PTPRT: variants seen among roughly 807,000 people sequenced by gnomAD.
The protein encoded by PTPRT is receptor-type tyrosine-protein phosphatase T.
Under a neutral mutation model 176.8 loss-of-function variants are expected in PTPRT, and 56 were observed. That is an observed-to-expected ratio of 0.32 (90% CI 0.26 to 0.40). The LOEUF (loss-of-function observed/expected upper bound fraction) is 0.40. Among genes scored for constraint, PTPRT ranks in the 10% least tolerant of loss-of-function variants. The probability of loss-of-function intolerance (pLI) is 1.00; values close to 1 mark genes in which losing one functional copy is unlikely to be tolerated. For synonymous variants in PTPRT, 783 were observed against 739.0 expected, an observed-to-expected ratio of 1.06 and a Z score of -0.96; for missense variants, 1,540 against 1,908.2, an observed-to-expected ratio of 0.81 and a Z score of 3.60.
At chr20:42,132,141 T>C (rs111988939) in intron 18 of PTPRT, among the ~76,000 whole-genome samples, 169 of 152,340 alleles carry the variant, frequency 1.1e-3, no homozygotes, top group Non-Finnish European at 1.8e-3. Flanking sequence ...TTTATTATGA[T>C]GTAACCAAAA....
chr20:42,391,542 C>T (rs2058799752), intron 9 of PTPRT, among the ~76,000 whole-genome samples: 1 of 152,130 alleles, frequency 6.6e-6, no homozygotes, highest in Admixed American at 6.5e-5. Context: ...ATCACAGAGG[C>T]AACCTGGAGG....
chr20:42,162,289 T>C (rs571864662), intron 16 of PTPRT, among the ~76,000 whole-genome samples: 1 of 152,342 alleles, frequency 6.6e-6, no homozygotes, highest in East Asian at 1.9e-4. Flanking sequence ...TCCCCGGGCC[T>C]GGATGCTATG....
chr20:42,883,708 CCATACACACACACCCATACA>C (rs2079045843), intron 2 of PTPRT, among the ~76,000 whole-genome samples: 1 of 128,642 alleles, frequency 7.8e-6, no homozygotes, highest in African/African-American at 2.9e-5. Flanking sequence ...CCATACACCC[CCATACACACACACCCATACA>C]CCCCCATACA....
At chr20:43,121,427 A>G (rs1418865370) in intron 1 of PTPRT, among the ~76,000 whole-genome samples, 1 of 152,260 alleles carries the variant, frequency 6.6e-6, no homozygotes, top group African/African-American at 2.4e-5. Flanking sequence ...TGCCAAATTT[A>G]TCCTTCCAGT....
intron 11 of PTPRT, among the ~76,000 whole-genome samples, chr20:42,326,210 CCTTGATATGGGGACCTTTGCTAA>C (rs1424387484): frequency 3.3e-5 from 5 of 152,050 alleles, no homozygotes; most frequent in African/African-American, 1.2e-4. Context: ...GGGTAGATAA[CCTTGATATGGGGACCTTTGCTAA>C]AGCAAGGTGG....
At chr20:42,839,208 T>A (rs2078234493) in intron 2 of PTPRT, among the ~76,000 whole-genome samples, 1 of 151,944 alleles carries the variant, frequency 6.6e-6, no homozygotes, top group Non-Finnish European at 1.5e-5. Context: ...CTTTCCCACC[T>A]TGGGCAGGAT....
intron 11 of PTPRT, among the ~76,000 whole-genome samples, chr20:42,318,661 G>A (rs146808562): frequency 3.8e-4 from 58 of 152,314 alleles, no homozygotes; most frequent in African/African-American, 1.3e-3. Flanking sequence ...CCCAGGACCA[G>A]GAGTTGGAAA....
chr20:42,861,108 T>C (rs1382701546), intron 2 of PTPRT, among the ~76,000 whole-genome samples: 1 of 152,204 alleles, frequency 6.6e-6, no homozygotes, highest in African/African-American at 2.4e-5. Context: ...ATGGCAGAGT[T>C]TGGCCATGGA....
chr20:42,940,098 T>A (rs1194652457), intron 1 of PTPRT, among the ~76,000 whole-genome samples: 2 of 152,178 alleles, frequency 1.3e-5, no homozygotes, highest in Non-Finnish European at 2.9e-5. Context: ...CAGGAGATAG[T>A]CCTTATTACT....
chr20:42,190,456 C>G (rs1990957892), intron 16 of PTPRT, among the ~76,000 whole-genome samples: 1 of 152,134 alleles, frequency 6.6e-6, no homozygotes, highest in African/African-American at 2.4e-5. Flanking sequence ...GTTCATCTAC[C>G]CAGGGAGGTG....
At chr20:42,584,481 C>T (rs888003154) in intron 7 of PTPRT, among the ~76,000 whole-genome samples, 5 of 152,080 alleles carry the variant, frequency 3.3e-5, no homozygotes, top group African/African-American at 1.2e-4. Context: ...TTCATGCAGG[C>T]CTTTGCATAC....
chr20:42,456,108 G>A (rs6030254), intron 8 of PTPRT, among the ~76,000 whole-genome samples: 32,071 of 151,664 alleles, frequency 0.21, 3,513 homozygotes, highest in Middle Eastern at 0.33. Context: ...AGATTTATAC[G>A]TACATCTTGA....
chr20:42,723,609 C>A lies in PTPRT; in HGVS notation c.859+32853G>T, dbSNP rs190875063. Among the ~76,000 whole-genome samples, 121 of 152,310 alleles carry A rather than the reference C, an allele frequency of 7.9e-4. 1 individual carries two copies. The East Asian group carries it at 0.019, about 24-fold the overall frequency. ...GATCCTCAGGGCCTGCATAATACCC[C>A]TCTTCCACTCTACCCTACAGGGACA... is the stretch of plus-strand genomic sequence containing the variant. On this transcript the variant is annotated intron_variant, in intron 6 of 30. Coordinates refer to ENST00000373187, the MANE Select transcript of PTPRT (RefSeq NM_007050.6).
At chr20:42,696,907 C>T (rs1453539645) in intron 6 of PTPRT, among the ~76,000 whole-genome samples, 2 of 152,138 alleles carry the variant, frequency 1.3e-5, no homozygotes, top group Non-Finnish European at 2.9e-5. Context: ...AACCAGCTAT[C>T]AAGCTGCACT....
chr20:42,301,381 G>A (rs2057465471), intron 12 of PTPRT, among the ~76,000 whole-genome samples: 2 of 151,940 alleles, frequency 1.3e-5, no homozygotes, highest in African/African-American at 4.8e-5. Context: ...AAGAGTCAAG[G>A]GCATAAAAGT....
intron 1 of PTPRT, among the ~76,000 whole-genome samples, chr20:43,165,929 C>G (rs1221388377): frequency 6.6e-6 from 1 of 152,190 alleles, no homozygotes. Context: ...GTGGCTCACA[C>G]CTGTAATCCC....
intron 23 of PTPRT, 57 bp from the exon 24 acceptor site, chr20:42,106,978 GA>G: frequency 6.3e-7 from 1 of 1,586,922 alleles, no homozygotes; most frequent in East Asian, 2.3e-5. Context: ...CTGCCCTGGG[GA>G]GGCCCCTAGC....
chr20:42,849,010 C>T (rs1175883648), intron 2 of PTPRT, among the ~76,000 whole-genome samples: 1 of 152,166 alleles, frequency 6.6e-6, no homozygotes, highest in Admixed American at 6.5e-5. Context: ...AGATGAGGAT[C>T]CAGTTTCATT....
the PTPRT span, among the ~76,000 whole-genome samples, chr20:42,066,103 G>T: frequency 1.4e-5 from 2 of 141,374 alleles, no homozygotes; most frequent in Non-Finnish European, 3.0e-5. Flanking sequence ...GCAATGGTGT[G>T]ATCTTGGCTC....
Sources: allele counts gnomAD v4.1 joint callset (sites outside exome capture counted in the v4.1 genomes callset), GRCh38; gene constraint gnomAD v4.1.1; transcripts MANE v1.5; gene names NCBI Gene and HGNC (gene_info 2026-07-23, HGNC 2026-07-21).